PDZD2: variants seen among roughly 807,000 people sequenced by gnomAD.
The protein encoded by PDZD2 is PDZ domain-containing protein 2.
PDZD2 carries 90 observed loss-of-function variants against 220.7 expected under a neutral mutation model. The observed-to-expected ratio is 0.41, with a 90% CI of 0.34 to 0.49. The LOEUF is 0.49. PDZD2 is among the 20% of genes least tolerant of loss of function. The pLI, the probability that PDZD2 is intolerant of heterozygous loss-of-function variation, is 0.28. For synonymous variants in PDZD2, 1,375 were observed against 1,450.5 expected, an observed-to-expected ratio of 0.95 and a Z score of 1.18; for missense variants, 3,174 against 3,608.5, an observed-to-expected ratio of 0.88 and a Z score of 3.08.
intron 2 of PDZD2, chr5:31,822,642 T>C (rs1024127150): frequency 1.5e-6 from 2 of 1,331,532 alleles, no homozygotes; most frequent in Admixed American, 3.6e-5. Context: ...TTTTTAACCT[T>C]GTGGCTTGCT....
At chr5:31,849,800 C>T (rs976258404) in intron 2 of PDZD2, among the ~76,000 whole-genome samples, 4 of 148,786 alleles carry the variant, frequency 2.7e-5, no homozygotes, top group Admixed American at 1.4e-4. Context: ...GCCGAGATTG[C>T]GCCACTGCCC....
At chr5:31,822,939 C>T (rs903043729) in intron 2 of PDZD2, 2 of 1,003,990 alleles carry the variant, frequency 2.0e-6, no homozygotes, top group Non-Finnish European at 3.0e-6. Flanking sequence ...CGGTGGCCAG[C>T]TCCTTTCTGT....
chr5:31,968,130 T>C (rs1334063974), intron 2 of PDZD2, among the ~76,000 whole-genome samples: 2 of 152,252 alleles, frequency 1.3e-5, no homozygotes, highest in African/African-American at 2.4e-5. Context: ...ATGGGATTAG[T>C]GCACTTATAA....
chr5:31,785,669 G>A (rs1753340225), intron 1 of PDZD2, among the ~76,000 whole-genome samples: 1 of 151,824 alleles, frequency 6.6e-6, no homozygotes, highest in African/African-American at 2.4e-5. Flanking sequence ...TTGAATTCCT[G>A]GGCTCAAGTG....
intron 2 of PDZD2, among the ~76,000 whole-genome samples, chr5:31,922,643 A>G (rs1194211769): frequency 1.3e-5 from 2 of 152,144 alleles, no homozygotes. Flanking sequence ...ACACCTTTCC[A>G]GTTCAAAGAA....
intron 23 of PDZD2, chr5:32,100,550 G>A: frequency 3.0e-6 from 1 of 331,574 alleles, no homozygotes; most frequent in Non-Finnish European, 5.9e-6. Context: ...CCAGGGGCAG[G>A]GTTTCCCTTT....
rs563088072 is a variant in PDZD2 at position 31,827,565 on chromosome 5, C to T, written c.476+27841C>T. Among the ~76,000 whole-genome samples, 17 of 151,858 alleles carry T rather than the reference C, an allele frequency of 1.1e-4. No individual in the cohort carries two copies. In the Middle Eastern group the frequency reaches 0.014, roughly 122 times the overall value. ...AAAATTAGCTGGGTATGGTGGCATG[C>T]GCCTGTAATCTCAGCTACTCAGGAG... On this transcript the variant is annotated intron_variant, in intron 2 of 24. Transcript: ENST00000438447.
intron 2 of PDZD2, among the ~76,000 whole-genome samples, chr5:31,802,454 A>G (rs930844479): frequency 6.6e-6 from 1 of 152,182 alleles, no homozygotes; most frequent in African/African-American, 2.4e-5. Context: ...TCCGAAAGAA[A>G]TGCTTGGATG....
chr5:31,903,384 C>T (rs1366196007), intron 2 of PDZD2, among the ~76,000 whole-genome samples: 1 of 151,720 alleles, frequency 6.6e-6, no homozygotes, highest in Non-Finnish European at 1.5e-5. Context: ...TGGTGGCTGA[C>T]ACCTATAATC....
At chr5:31,857,851 T>C (rs969853131) in intron 2 of PDZD2, among the ~76,000 whole-genome samples, 3 of 151,794 alleles carry the variant, frequency 2.0e-5, no homozygotes, top group Non-Finnish European at 4.4e-5. Context: ...ATTTTGGAGA[T>C]GGAGTCTCGT....
At chr5:32,015,768 A>T (rs1232026660) in intron 6 of PDZD2, among the ~76,000 whole-genome samples, 2 of 152,222 alleles carry the variant, frequency 1.3e-5, no homozygotes, top group Non-Finnish European at 2.9e-5. Flanking sequence ...ATTGAAGAGA[A>T]GAGGAAGAGT....
At chr5:31,869,698 C>T (rs917103555) in intron 2 of PDZD2, among the ~76,000 whole-genome samples, 2 of 152,198 alleles carry the variant, frequency 1.3e-5, no homozygotes, top group Non-Finnish European at 2.9e-5. Flanking sequence ...CTTGAAGATC[C>T]CAAGGTATTA....
At chr5:31,899,835 C>T (rs956700398) in intron 2 of PDZD2, among the ~76,000 whole-genome samples, 9 of 152,124 alleles carry the variant, frequency 5.9e-5, no homozygotes, top group African/African-American at 1.7e-4. Context: ...CATGTAAGGA[C>T]GCAGTCAGAA....
intron 5 of PDZD2, among the ~76,000 whole-genome samples, chr5:32,003,324 CACA>C (rs1323853271): frequency 3.4e-5 from 2 of 58,376 alleles, no homozygotes; most frequent in African/African-American, 7.1e-5. Flanking sequence ...ACCCCACACA[CACA>C]CCCCCACCAC....
intron 2 of PDZD2, among the ~76,000 whole-genome samples, chr5:31,893,121 C>T (rs187111833): frequency 1.3e-5 from 2 of 152,334 alleles, no homozygotes; most frequent in Admixed American, 6.5e-5. Context: ...CTTGTACCCA[C>T]TGACCAGGAC....
chr5:32,100,837 TA>T, intron 23 of PDZD2: 1 of 1,459,668 alleles, frequency 6.9e-7, no homozygotes, highest in Non-Finnish European at 9.2e-7. Context: ...TGCTTGGGCA[TA>T]AAAGCATTTG....
rs1742975494 is a variant in PDZD2, at chr5:32,090,268, G to A, written c.6820G>A (p.Gly2274Arg). The change falls in exon 20 of 25, where the codon GGA becomes AGA. Residue 2274 changes from glycine to arginine, a missense_variant. Physicochemically the swap from Gly to Arg is moderately radical, Grantham distance 125. This residue lies in a region of PDZD2 where 631 missense variants were observed against 789.9 expected (regional missense o/e 0.80). Transcript: ENST00000438447. The surrounding 1 kb of genome is among the most constrained non-coding windows in gnomAD (Gnocchi z 4.3). ...AGGTGGTCTTCCCAGCCTGGCTAAT[G>A]GACAGGGCATATATAGTGTAAAGCC... ...SRGGLPSLAN[G>R]QGIYSVKPLL... is the part of the protein sequence containing the mutation. 6.2e-7 allele frequency: 1 copy of A among 1,614,054 alleles called. No individual in the cohort carries two copies. Among genetic ancestry groups the A allele is most frequent in the Admixed American group, 1.7e-5 (1 of 60,010 alleles).
chr5:31,799,356 G>A lies in PDZD2; in HGVS notation c.108G>A (p.Gln36=). ...ATGGGCCGGAGCAGCGGCTCTGCCA[G>A]GCGGCCATCCAGAAGCTGCAGGAGT... ...GGDGPEQRLC[Q]AAIQKLQEYI... is the part of the protein sequence containing the mutation. The change falls in exon 2 of 25, where the codon CAG becomes CAA. Residue 36 remains glutamine (Q), a synonymous_variant. Transcript: ENST00000438447. 8 of 1,614,216 alleles carry A rather than the reference G, an allele frequency of 5.0e-6. No homozygotes were observed. The highest frequency in any genetic ancestry group is 6.8e-6 in the Non-Finnish European group (8 of 1,180,024).
chr5:31,750,827 G>T (rs1252015927), intron 1 of PDZD2, among the ~76,000 whole-genome samples: 1 of 152,226 alleles, frequency 6.6e-6, no homozygotes, highest in African/African-American at 2.4e-5. Flanking sequence ...GGAGTGGAGT[G>T]AGTAGGGTGG....
Sources: allele counts gnomAD v4.1 joint callset (sites outside exome capture counted in the v4.1 genomes callset), GRCh38; gene constraint gnomAD v4.1.1; regional missense constraint gnomAD v4.1.1; non-coding constraint Gnocchi (gnomAD v3.1); transcripts MANE v1.5; gene names NCBI Gene and HGNC (gene_info 2026-07-23, HGNC 2026-07-21).